The following CCDC141 variants were observed in gnomAD, a reference collection of about 807,000 sequenced individuals.
The protein encoded by CCDC141 is coiled-coil domain-containing protein 141.
Under a neutral mutation model 181.0 loss-of-function variants are expected in CCDC141, and 168 were observed. That is an observed-to-expected ratio of 0.93 (90% CI 0.82 to 1.05). The LOEUF (loss-of-function observed/expected upper bound fraction) is 1.05. Ranked by LOEUF, CCDC141 falls within the 50% of genes least tolerant of loss-of-function variation. The probability of loss-of-function intolerance (pLI) is 0.00; values close to 1 mark genes in which losing one functional copy is unlikely to be tolerated. For synonymous variants in CCDC141, 666 were observed against 642.3 expected (o/e 1.04, Z -0.56); for missense variants, 1,902 against 1,788.5 (o/e 1.06, Z -1.14).
intron 2 of CCDC141, among the ~76,000 whole-genome samples, chr2:179,000,848 A>G (rs548392021): frequency 6.6e-6 from 1 of 152,340 alleles, no homozygotes; most frequent in East Asian, 1.9e-4. Context: ...TTCTCCAGAA[A>G]GTTTGTACCA....
Position 178,845,611 on chromosome 2 carries a change from A to G in CCDC141, c.3474+15T>C. The G allele has an allele frequency of 7.3e-7, 1 of 1,376,886 alleles. No homozygotes were observed. Among genetic ancestry groups the G allele is most frequent in the Admixed American group, 1.7e-5 (1 of 59,512 alleles). The allele number at this position is 1,376,886 out of a possible 1,614,324, so 85.3% of individuals were successfully genotyped here. A position where few individuals can be genotyped will look rare whatever the true frequency, so the allele number is the denominator to read the frequency against. On this transcript the variant is annotated intron_variant, in intron 22 of 23. Coordinates refer to ENST00000443758, the MANE Select transcript of CCDC141 (RefSeq NM_173648.4). ...CAAAAGTCCTCAATAGCTGAGGTTA[A>G]GTAGTTTTCTTTACCTTATTCCTTT...
intron 23 of CCDC141, among the ~76,000 whole-genome samples, chr2:178,835,033 C>A (rs999394970): frequency 6.6e-6 from 1 of 152,028 alleles, no homozygotes; most frequent in African/African-American, 2.4e-5. Flanking sequence ...CAAAGCAGAC[C>A]ATTTGGTCAC....
At chr2:179,010,605 G>T (rs1396479035) in intron 2 of CCDC141, among the ~76,000 whole-genome samples, 1 of 152,078 alleles carries the variant, frequency 6.6e-6, no homozygotes, top group East Asian at 1.9e-4. Flanking sequence ...CATGCTGAGA[G>T]AATTCACCAT....
intron 2 of CCDC141, among the ~76,000 whole-genome samples, chr2:179,015,108 TATATATAATC>T (rs1559048812): frequency 0.021 from 568 of 26,498 alleles, 78 homozygotes; most frequent in Non-Finnish European, 0.056. Flanking sequence ...ATATATAATA[TATATATAATC>T]ATATATATAT....
intron 2 of CCDC141, among the ~76,000 whole-genome samples, chr2:179,019,029 T>C (rs1174633628): frequency 1.3e-5 from 2 of 152,158 alleles, no homozygotes; most frequent in Non-Finnish European, 2.9e-5. Context: ...ATGGCCCTCT[T>C]CTTTGGACAC....
intron 2 of CCDC141, among the ~76,000 whole-genome samples, chr2:179,009,276 C>T (rs1444545904): frequency 1.3e-5 from 2 of 152,112 alleles, no homozygotes; most frequent in African/African-American, 4.8e-5. Flanking sequence ...GTTTAAATGT[C>T]CAACTTCTGA....
chr2:178,908,083 G>A (rs987611012), intron 7 of CCDC141, among the ~76,000 whole-genome samples: 1 of 152,044 alleles, frequency 6.6e-6, no homozygotes, highest in Non-Finnish European at 1.5e-5. Context: ...ATAACCCATC[G>A]AAACATCATT....
intron 7 of CCDC141, among the ~76,000 whole-genome samples, chr2:178,913,758 C>T (rs768832413): frequency 6.6e-6 from 1 of 152,172 alleles, no homozygotes; most frequent in African/African-American, 2.4e-5. Flanking sequence ...CCAACTTTTG[C>T]TTCATCTTTG....
intron 6 of CCDC141, among the ~76,000 whole-genome samples, chr2:178,921,241 A>G (rs1451526980): frequency 1.3e-5 from 2 of 152,248 alleles, no homozygotes; most frequent in Non-Finnish European, 2.9e-5. Flanking sequence ...ATGTTCTTTC[A>G]TAAAGCACTT....
At chr2:178,899,194 A>G (rs1012119349) in intron 8 of CCDC141, among the ~76,000 whole-genome samples, 1 of 152,200 alleles carries the variant, frequency 6.6e-6, no homozygotes, top group African/African-American at 2.4e-5. Flanking sequence ...ATGCTGCACA[A>G]GTCTGCAGCC....
chr2:178,912,713 G>T (rs1280489139), intron 7 of CCDC141, among the ~76,000 whole-genome samples: 1 of 152,134 alleles, frequency 6.6e-6, no homozygotes, highest in African/African-American at 2.4e-5. Context: ...GACATGTTCA[G>T]CATAAAATAG....
At chr2:178,847,890 C>A (rs1228232448) in intron 21 of CCDC141, among the ~76,000 whole-genome samples, 2 of 152,144 alleles carry the variant, frequency 1.3e-5, no homozygotes, top group Non-Finnish European at 2.9e-5. Flanking sequence ...CATTCTTTTA[C>A]CATGAAAGGT....
intron 5 of CCDC141, among the ~76,000 whole-genome samples, chr2:178,955,441 T>C (rs1690120401): frequency 6.6e-6 from 1 of 152,188 alleles, no homozygotes. Context: ...GTTTATAATA[T>C]TAAGAAATCG....
rs763501490 is a variant in CCDC141 at position 178,837,554 on chromosome 2, C to T, written c.3665G>A (p.Ser1222Asn). Residue 1222 changes from serine to asparagine, a missense_variant, in exon 23 of 24, where the codon AGC (serine) becomes AAC (asparagine). By Grantham distance (46) the Ser-to-Asn change is conservative (BLOSUM62 1). Transcript: ENST00000443758. ...AGATGGTGCAAGAGGGGACTCAGGG[C>T]TTCCTGGGAGAGGAGGCAAGGAGAT... The part of the protein sequence containing the change: ...DDISLPPLPG[S>N]PESPLAPSDM... 1.2e-6 allele frequency: 2 copies of T among 1,613,842 alleles called. No homozygotes were observed. The highest frequency in any genetic ancestry group is 1.7e-6 in the Non-Finnish European group (2 of 1,179,884).
intron 7 of CCDC141, among the ~76,000 whole-genome samples, chr2:178,913,944 G>T (rs982919016): frequency 6.6e-6 from 1 of 152,184 alleles, no homozygotes; most frequent in Non-Finnish European, 1.5e-5. Context: ...CAGCTGTCCT[G>T]TAAATACAGG....
In CCDC141 at chr2:179,034,480, G is replaced by A. The variant is rs796399969; in HGVS notation, c.225+12804C>T. Reference sequence around the variant, plus strand: ...GCTTCCCTAAAGAGCAAACCTGCACGTGTACCTCTGAACTTAAGTTTTAAA... The same window carrying A: ...GCTTCCCTAAAGAGCAAACCTGCACATGTACCTCTGAACTTAAGTTTTAAA... On this transcript the variant is annotated intron_variant, in intron 2 of 23. Coordinates refer to ENST00000443758, the MANE Select transcript of CCDC141 (RefSeq NM_173648.4). Among the ~76,000 whole-genome samples the A allele has an allele frequency of 7.2e-5, 11 of 152,304 alleles. 1 individual carries two copies. The highest frequency in any genetic ancestry group is 2.4e-4 in the African/African-American group (10 of 41,574).
intron 5 of CCDC141, among the ~76,000 whole-genome samples, chr2:178,945,842 G>GACACATGCGT (rs1238724487): frequency 9.0e-6 from 1 of 110,550 alleles, no homozygotes; most frequent in Non-Finnish European, 1.7e-5. Context: ...AAATGCACAT[G>GACACATGCGT]ACACATGCGT....
chr2:178,909,680 A>G (rs1688135636), intron 7 of CCDC141, among the ~76,000 whole-genome samples: 1 of 152,170 alleles, frequency 6.6e-6, no homozygotes, highest in African/African-American at 2.4e-5. Context: ...CTCAAAATAG[A>G]ACTGAGTGCT....
chr2:178,973,336 C>T (rs1266497549), intron 4 of CCDC141, among the ~76,000 whole-genome samples: 1 of 152,146 alleles, frequency 6.6e-6, no homozygotes, highest in African/African-American at 2.4e-5. Flanking sequence ...CACAAACTCT[C>T]ACAATAAATA....
Sources: gnomAD v4.1 joint callset for allele counts (sites outside exome capture counted in the v4.1 genomes callset) on GRCh38, gnomAD v4.1.1 for gene constraint, MANE v1.5 for transcripts, NCBI Gene and HGNC (gene_info 2026-07-23, HGNC 2026-07-21) for gene names.